The following PTDSS1 variants were observed in gnomAD, a reference collection of about 807,000 sequenced individuals.
PTDSS1 encodes PSS-1.
Under a neutral mutation model 70.5 loss-of-function variants are expected in PTDSS1, and 45 were observed. The ratio of observed to expected loss-of-function variants is 0.64; its 90% CI spans 0.50 to 0.82. The LOEUF is 0.82. Ranked by LOEUF, PTDSS1 falls within the 40% of genes least tolerant of loss-of-function variation. PTDSS1 has a pLI of 0.00. For synonymous variants in PTDSS1, 188 were observed against 203.8 expected (o/e 0.92, Z 0.66); for missense variants, 417 against 586.1 (o/e 0.71, Z 2.98).
chr8:96,270,628 G>A (rs1810552553), intron 1 of PTDSS1, among the ~76,000 whole-genome samples: 2 of 152,154 alleles, frequency 1.3e-5, no homozygotes. Context: ...ACATGGCTTC[G>A]TAAACTCACT....
chr8:96,261,990 G>A lies in PTDSS1; in HGVS notation c.-51G>A. The A allele has an allele frequency of 1.9e-6, 3 of 1,570,452 alleles. No homozygotes were observed. Among genetic ancestry groups the A allele is most frequent in the Non-Finnish European group, 2.6e-6 (3 of 1,156,620 alleles). ...GTGGCTAGTCACCCCCGGGGTCCCG[G>A]CCTTCTCGGGCTGGGGCCGCCGCCA... On this transcript the variant is annotated 5_prime_UTR_variant, in exon 1 of 13. Coordinates refer to ENST00000517309, the MANE Select transcript of PTDSS1 (RefSeq NM_014754.3).
chr8:96,264,329 A>G (rs1349845627), intron 1 of PTDSS1, among the ~76,000 whole-genome samples: 2 of 152,224 alleles, frequency 1.3e-5, no homozygotes, highest in African/African-American at 2.4e-5. Flanking sequence ...AGCTCAGTGC[A>G]TGGCAAGTAT....
At chr8:96,283,708 G>A (rs1182699669) in intron 2 of PTDSS1, 3 of 182,918 alleles carry the variant, frequency 1.6e-5, no homozygotes, top group African/African-American at 7.2e-5. Flanking sequence ...TGACTGTGCT[G>A]TCCAGAGCCT....
chr8:96,285,548 A>G (rs965688143), intron 3 of PTDSS1, among the ~76,000 whole-genome samples: 3 of 152,208 alleles, frequency 2.0e-5, no homozygotes, highest in African/African-American at 4.8e-5. Flanking sequence ...GTTTGAAGTT[A>G]TAAGTTATTT....
intron 7 of PTDSS1, among the ~76,000 whole-genome samples, chr8:96,305,869 T>C (rs979232222): frequency 6.6e-6 from 1 of 152,024 alleles, no homozygotes; most frequent in African/African-American, 2.4e-5. Context: ...TTAGTAGAGA[T>C]GAGATTTCAC....
At position 96,314,555 on chromosome 8, in the gene PTDSS1, C is replaced by G. The variant is rs73277945; in HGVS notation, c.1073+4933C>G. ...CCTCCCTTTATCTTGCCACACCCCACCCCCTGCACTCAAGTGCACCTCCAC... is the reference window on the plus strand; with the variant it reads ...CCTCCCTTTATCTTGCCACACCCCAGCCCCTGCACTCAAGTGCACCTCCAC... On this transcript the variant is annotated intron_variant, in intron 9 of 12. Coordinates refer to ENST00000517309, the MANE Select transcript of PTDSS1 (RefSeq NM_014754.3). Among the ~76,000 whole-genome samples, 970 of 152,218 alleles carry G rather than the reference C, an allele frequency of 6.4e-3. 11 individuals are homozygous for G. Among genetic ancestry groups the G allele is most frequent in the African/African-American group, 0.022 (917 of 41,538 alleles).
intron 5 of PTDSS1, among the ~76,000 whole-genome samples, chr8:96,297,331 A>G (rs1810989894): frequency 6.6e-6 from 1 of 152,104 alleles, no homozygotes; most frequent in Non-Finnish European, 1.5e-5. Flanking sequence ...GGCGTGTGCC[A>G]CCACACCCAG....
rs866407101 is a variant in PTDSS1, at chr8:96,304,444, T to C, written c.894+263T>C. Among the ~76,000 whole-genome samples, 5 of 152,368 alleles carry C rather than the reference T, an allele frequency of 3.3e-5. No individual in the cohort carries two copies. The South Asian group carries it at 1.0e-3, about 32-fold the overall frequency. ...ATTAGATTCCGTGAAATAATTTGTG[T>C]CTAGCATCCATCATCCAATGAGTTA... is the stretch of plus-strand genomic sequence containing the variant. On this transcript the variant is annotated intron_variant, in intron 7 of 12. Coordinates refer to ENST00000517309, the MANE Select transcript of PTDSS1 (RefSeq NM_014754.3).
At chr8:96,301,795 C>T (rs576713798) in intron 6 of PTDSS1, among the ~76,000 whole-genome samples, 19 of 151,726 alleles carry the variant, frequency 1.3e-4, no homozygotes, top group Non-Finnish European at 8.8e-5. Context: ...GGATTACAGG[C>T]GTGAGCACCG....
In PTDSS1 at chr8:96,334,876, T is replaced by C. The variant is rs1811573146; in HGVS notation, c.*1310T>C. 1 of 152,242 alleles carries C rather than the reference T, an allele frequency of 6.6e-6. No homozygotes were observed. Among genetic ancestry groups the C allele is most frequent in the Non-Finnish European group, 1.5e-5 (1 of 68,040 alleles). 9.4% of individuals were successfully genotyped at this position (152,242 alleles called of 1,614,324 possible). ...GATATCAACTCACTGAAAGTAATCT[T>C]TTGTTCCCTCATTTCACACAGCACA... On this transcript the variant is annotated 3_prime_UTR_variant, in exon 13 of 13. Coordinates refer to ENST00000517309, the MANE Select transcript of PTDSS1 (RefSeq NM_014754.3).
In PTDSS1 at chr8:96,333,488, C is replaced by T. The variant is rs761045256; in HGVS notation, c.1344C>T (p.Gly448=). Residue 448 remains glycine, a synonymous_variant, in exon 13 of 13, where the codon GGC becomes GGT. Coordinates refer to ENST00000517309, the MANE Select transcript of PTDSS1 (RefSeq NM_014754.3). ...AAGACAGCCCACCCAAGCATGCAGG[C>T]AACAACGAAAGCCATTCTTCCAGGA... ...GSEDSPPKHA[G]NNESHSSRRR... is the part of the protein sequence containing the mutation. The T allele has an allele frequency of 1.9e-6, 3 of 1,614,000 alleles. No individual in the cohort carries two copies. The highest frequency in any genetic ancestry group is 2.5e-6 in the Non-Finnish European group (3 of 1,179,930).
At chr8:96,312,498 A>G (rs1171678895) in intron 9 of PTDSS1, among the ~76,000 whole-genome samples, 1 of 151,632 alleles carries the variant, frequency 6.6e-6, no homozygotes, top group Non-Finnish European at 1.5e-5. Context: ...GGAAAAAAGT[A>G]AACAATGCCA....
intron 2 of PTDSS1, among the ~76,000 whole-genome samples, chr8:96,279,774 G>T (rs1188368230): frequency 6.6e-6 from 1 of 151,966 alleles, no homozygotes; most frequent in East Asian, 1.9e-4. Flanking sequence ...AGCCGAGATT[G>T]CGCCACTGCA....
intron 2 of PTDSS1, among the ~76,000 whole-genome samples, chr8:96,281,115 C>G (rs764591841): frequency 5.3e-4 from 80 of 152,262 alleles, no homozygotes; most frequent in Non-Finnish European, 6.9e-4. Flanking sequence ...TAGCCAGGTG[C>G]AAGTAACCTA....
intron 1 of PTDSS1, among the ~76,000 whole-genome samples, chr8:96,265,236 G>A (rs1347874223): frequency 6.6e-6 from 1 of 152,184 alleles, no homozygotes; most frequent in Non-Finnish European, 1.5e-5. Context: ...GTTTTGCAAA[G>A]ACTAGTTGTC....
At chr8:96,287,218 A>G in intron 4 of PTDSS1, 72 bp downstream of exon 4, 2 of 1,547,062 alleles carry the variant, frequency 1.3e-6, no homozygotes, top group Non-Finnish European at 1.8e-6. Flanking sequence ...AATAGACTTG[A>G]CATTTTAAAT....
intron 8 of PTDSS1, 119 bp from the exon 9 acceptor site, chr8:96,309,438 C>G: frequency 1.2e-6 from 1 of 800,980 alleles, no homozygotes; most frequent in South Asian, 1.6e-5. Context: ...CAGAACTAGA[C>G]CAGGCAGCCT....
chr8:96,306,347 T>TA, intron 7 of PTDSS1, 97 bp from the exon 8 acceptor site: 1 of 906,728 alleles, frequency 1.1e-6, no homozygotes, highest in Non-Finnish European at 1.8e-6. Flanking sequence ...GCTTTGAACA[T>TA]ACCAATTATT....
intron 10 of PTDSS1, among the ~76,000 whole-genome samples, chr8:96,328,440 T>A (rs1486831751): frequency 6.6e-6 from 1 of 152,234 alleles, no homozygotes; most frequent in East Asian, 1.9e-4. Flanking sequence ...ATGTTAAAGG[T>A]TGGAAGTCAT....
Sources: gnomAD v4.1 joint callset for allele counts (sites outside exome capture counted in the v4.1 genomes callset) on GRCh38, gnomAD v4.1.1 for gene constraint, MANE v1.5 for transcripts, NCBI Gene and HGNC (gene_info 2026-07-23, HGNC 2026-07-21) for gene names.